Variants in FKBP15 observed in about 807,000 individuals in gnomAD.
The protein encoded by FKBP15 is FKBP prolyl isomerase family member 15.
In FKBP15, 106 loss-of-function variants were observed where a neutral mutation model predicts 158.1. The ratio of observed to expected loss-of-function variants is 0.67; its 90% CI spans 0.57 to 0.79. The LOEUF (loss-of-function observed/expected upper bound fraction) is 0.79. Among genes scored for constraint, FKBP15 ranks in the 30% least tolerant of loss-of-function variants. The pLI is 0.00. For synonymous variants in FKBP15, 547 were observed against 548.6 expected, an observed-to-expected ratio of 1.00 and a Z score of 0.04; for missense variants, 1,287 against 1,479.1, an observed-to-expected ratio of 0.87 and a Z score of 2.13.
intron 1 of FKBP15, among the ~76,000 whole-genome samples, chr9:113,219,529 A>C (rs755901893): frequency 9.8e-5 from 15 of 152,340 alleles, no homozygotes; most frequent in Admixed American, 3.9e-4. Flanking sequence ...AACTTTCCTC[A>C]GTATGTCTTT....
Position 113,211,411 on chromosome 9 carries a change from G to A in FKBP15, c.169+66C>T, listed in dbSNP as rs909097968. On this transcript the variant is annotated intron_variant, in intron 2 of 27. Transcript: ENST00000238256. ...TGACCTCAGGTGATCCACCGGCCTC[G>A]GCCTCCCAAAGTGCTGGGATTACAG... 79 of 1,280,542 alleles carry A rather than the reference G, an allele frequency of 6.2e-5. No homozygotes were observed. In the Middle Eastern group the frequency reaches 7.8e-4, roughly 13 times the overall value. The allele number at this position is 1,280,542 out of a possible 1,614,324, so 79.3% of individuals were successfully genotyped here. A position where few individuals can be genotyped will look rare whatever the true frequency, so the allele number is the denominator to read the frequency against.
intron 19 of FKBP15, among the ~76,000 whole-genome samples, chr9:113,182,091 A>G (rs1385282306): frequency 6.6e-6 from 1 of 152,222 alleles, no homozygotes; most frequent in Non-Finnish European, 1.5e-5. Flanking sequence ...CACAAGTTAC[A>G]AGTGTGTTCA....
rs752932096 is a variant in FKBP15, at chr9:113,170,567, A to G, written c.2721T>C (p.Ser907=). Residue 907 remains serine (S), a synonymous_variant, in exon 25 of 28, where the codon TCT becomes TCC. Transcript: ENST00000238256. ...SLRREFELEE[S]YNGRTILGTI... ...TTCCCAGAATGGTCCTGCCATTGTAAGATTCCTCCAGCTCAAACTCTCTCC... is the reference window on the plus strand; with the variant it reads ...TTCCCAGAATGGTCCTGCCATTGTAGGATTCCTCCAGCTCAAACTCTCTCC... 1.9e-6 allele frequency: 3 copies of G among 1,614,002 alleles called. No homozygotes were observed. Among genetic ancestry groups the G allele is most frequent in the Non-Finnish European group, 2.5e-6 (3 of 1,179,856 alleles).
intron 24 of FKBP15, among the ~76,000 whole-genome samples, chr9:113,171,149 C>T (rs564848975): frequency 1.3e-5 from 2 of 152,350 alleles, no homozygotes; most frequent in Admixed American, 6.5e-5. Context: ...AAATCTGGGC[C>T]GGGCATGGTG....
intron 1 of FKBP15, among the ~76,000 whole-genome samples, chr9:113,215,642 ATATTTTTT>A (rs1414225603): frequency 1.5e-4 from 12 of 82,566 alleles, no homozygotes; most frequent in South Asian, 8.4e-4. Flanking sequence ...ATATATATAT[ATATTTTTT>A]TTTTTTTTTT....
intron 1 of FKBP15, among the ~76,000 whole-genome samples, chr9:113,215,145 T>A (rs558747116): frequency 2.0e-5 from 3 of 152,356 alleles, no homozygotes; most frequent in African/African-American, 7.2e-5. Flanking sequence ...CCTTTAAGAA[T>A]GTTTCCTTTG....
At position 113,169,440 on chromosome 9, in the gene FKBP15, TGTA is replaced by T; in HGVS notation, c.3266_3268del (p.Leu1089del). The stretch of plus-strand genomic sequence containing the variant: ...CAGGGACAGTCTTGTGGAGCTTTCT[TGTA>T]GTGGGCCATCTGGTGCTACTTCCCT... On this transcript the variant is annotated inframe_deletion, in exon 26 of 28. Coordinates refer to ENST00000238256, the MANE Select transcript of FKBP15 (RefSeq NM_015258.2). 1 of 1,614,030 alleles carries T rather than the reference TGTA, an allele frequency of 6.2e-7. No individual in the cohort carries two copies. Among genetic ancestry groups the T allele is most frequent in the Admixed American group, 1.7e-5 (1 of 60,026 alleles).
At position 113,173,560 on chromosome 9, in the gene FKBP15, A is replaced by G. The variant is rs1830251410; in HGVS notation, c.2425T>C (p.Cys809Arg). The change falls in exon 23 of 28, where the codon TGT (cysteine) becomes CGT (arginine). Residue 809 changes from cysteine to arginine, a missense_variant. Cys to Arg is a radical substitution (Grantham distance 180). Coordinates refer to ENST00000238256, the MANE Select transcript of FKBP15 (RefSeq NM_015258.2). ...TTGGCGGAGGCCAACAAATGTTCAC[A>G]TTTTGCTTCCCACTGGGTCTGTAGC... ...AELQTQWEAK[C>R]EHLLASAKDE... is the part of the protein sequence containing the mutation. 1 of 1,613,950 alleles carries G rather than the reference A, an allele frequency of 6.2e-7. No homozygotes were observed. Among genetic ancestry groups the G allele is most frequent in the African/African-American group, 1.3e-5 (1 of 75,036 alleles).
chr9:113,193,270 T>C (rs1300077648), intron 11 of FKBP15, among the ~76,000 whole-genome samples: 1 of 152,184 alleles, frequency 6.6e-6, no homozygotes, highest in African/African-American at 2.4e-5. Context: ...CTCTTAACTT[T>C]TTTTTCTCTA....
chr9:113,201,042 CA>C (rs11339384), intron 6 of FKBP15, among the ~76,000 whole-genome samples: 46,881 of 96,070 alleles, frequency 0.49, 7,211 homozygotes, highest in Middle Eastern at 0.53. Context: ...GACTCTGTCT[CA>C]AAAAAAAAAA....
rs1485054417 is a variant in FKBP15 at position 113,162,018 on chromosome 9, G to C, written c.*4060C>G. ...TCCCCCAAATCTCACCAGTTCCATG[G>C]GTCACTAGGCTCCCATATCCAGGAG... is the stretch of plus-strand genomic sequence containing the variant. On this transcript the variant is annotated 3_prime_UTR_variant, in exon 28 of 28. Transcript: ENST00000238256. 2.3e-6 allele frequency: 1 copy of C among 428,548 alleles called. No individual in the cohort carries two copies. Among genetic ancestry groups the C allele is most frequent in the Non-Finnish European group, 4.3e-6 (1 of 231,068 alleles). 26.5% of individuals were successfully genotyped at this position (428,548 alleles called of 1,614,324 possible).
chr9:113,169,892 G>A lies in FKBP15; in HGVS notation c.2817C>T (p.Ser939=). Residue 939 remains serine (S), a synonymous_variant, in exon 26 of 28, where the codon AGC becomes AGT. Coordinates refer to ENST00000238256, the MANE Select transcript of FKBP15 (RefSeq NM_015258.2). ...LNQQEQEKEE[S]SSEEEEEKAE... is the part of the protein sequence containing the mutation. ...CTTTTTCTTCTTCTTCTTCACTGCT[G>A]CTCTCTTCCTTCTCTTGCTCCTGTT... The A allele has an allele frequency of 6.5e-7, 1 of 1,549,764 alleles. No individual in the cohort carries two copies. The highest frequency in any genetic ancestry group is 8.7e-7 in the Non-Finnish European group (1 of 1,146,956).
At chr9:113,207,007 C>A in intron 3 of FKBP15, 1 of 529,150 alleles carries the variant, frequency 1.9e-6, no homozygotes, top group Non-Finnish European at 3.4e-6. Flanking sequence ...GGTACAAGCA[C>A]TCCCTAAAGA....
chr9:113,176,512 T>C (rs1830301688), intron 21 of FKBP15, 25 bp downstream of exon 21: 1 of 1,548,336 alleles, frequency 6.5e-7, no homozygotes, highest in Non-Finnish European at 8.7e-7. Context: ...CAGCTAATTC[T>C]GGCCAACTGG....
chr9:113,199,674 G>T, intron 7 of FKBP15, 140 bp downstream of exon 7: 1 of 823,430 alleles, frequency 1.2e-6, no homozygotes, highest in Non-Finnish European at 1.9e-6. Context: ...TGCCCCCAAA[G>T]CAATTGCAGT....
intron 4 of FKBP15, 38 bp from the exon 5 acceptor site, chr9:113,203,073 GAGAC>G (rs1830825166): frequency 1.5e-6 from 2 of 1,370,586 alleles, no homozygotes; most frequent in Admixed American, 4.0e-5. Flanking sequence ...AAAAAAAAGA[GAGAC>G]AGCAGAAGTT....
intron 23 of FKBP15, 66 bp downstream of exon 23, chr9:113,173,387 C>T: frequency 6.4e-7 from 1 of 1,557,578 alleles, no homozygotes; most frequent in Non-Finnish European, 8.8e-7. Context: ...CGACAGGACT[C>T]AAACAGCCTG....
In FKBP15 at chr9:113,192,434, A is replaced by G. The variant is rs535019238; in HGVS notation, c.1065+1058T>C. ...TGTCTGGTCCACAGGCAGCAAACTC[A>G]GAAGCCTTCACAGACCAGGCAGGCC... On this transcript the variant is annotated intron_variant, in intron 11 of 27. Transcript: ENST00000238256. Among the ~76,000 whole-genome samples, 10 of 152,314 alleles carry G rather than the reference A, an allele frequency of 6.6e-5. No homozygotes were observed. The South Asian group carries it at 2.1e-3, about 32-fold the overall frequency.
At chr9:113,206,182 A>ATTTGTGTG (rs1830882279) in intron 4 of FKBP15, 1 of 324,812 alleles carries the variant, frequency 3.1e-6, no homozygotes, top group South Asian at 4.4e-5. Flanking sequence ...ATGTATGTGT[A>ATTTGTGTG]TATATATGTG....
Sources: gnomAD v4.1 joint callset for allele counts (sites outside exome capture counted in the v4.1 genomes callset) on GRCh38, gnomAD v4.1.1 for gene constraint, MANE v1.5 for transcripts, NCBI Gene and HGNC (gene_info 2026-07-23, HGNC 2026-07-21) for gene names.